The following ZNF358 variants were observed in gnomAD, a reference collection of about 807,000 sequenced individuals.
ZNF358 encodes the protein zinc finger protein 358.
Under a neutral mutation model 2.1 loss-of-function variants are expected in ZNF358, and 1 was observed. That is an observed-to-expected ratio of 0.49 (90% confidence interval 0.17 to 2.30). The LOEUF (loss-of-function observed/expected upper bound fraction) is 2.30, where lower values mean the gene tolerates loss of function less well. Among genes scored for constraint, ZNF358 ranks in the 30% most tolerant of loss-of-function variants. The probability of loss-of-function intolerance (pLI) is 0.26; values close to 1 mark genes in which losing one functional copy is unlikely to be tolerated. For missense variants in ZNF358, 665 were observed against 806.8 expected (o/e 0.82, Z 2.13); for synonymous variants, 381 against 359.7 (o/e 1.06, Z -0.67).
chr19:7,519,698 C>T lies in ZNF358; in HGVS notation c.456C>T (p.Ser152=). 1.3e-6 allele frequency: 2 copies of T among 1,586,958 alleles called. No homozygotes were observed. ...PAPASPPRPF[S]CPDCGRAFRR... ...CCGCCAGCCCGCCCCGGCCCTTCTC[C>T]TGCCCGGATTGCGGGCGAGCCTTCC... is the stretch of plus-strand genomic sequence containing the variant. The change falls in exon 2 of 2, where the codon TCC becomes TCT. Residue 152 remains serine, a synonymous_variant. Coordinates refer to ENST00000597229, the MANE Select transcript of ZNF358 (RefSeq NM_018083.5).
At chr19:7,515,766 A>G (rs765036209), upstream of ZNF358, among the ~76,000 whole-genome samples, 1 of 152,162 alleles carries the variant, frequency 6.6e-6, no homozygotes, top group African/African-American at 2.4e-5. Context: ...AGAGACACAG[A>G]GAAAGGAACA....
intron 1 of ZNF358, among the ~76,000 whole-genome samples, chr19:7,518,638 C>T (rs1374836906): frequency 6.6e-6 from 1 of 151,336 alleles, no homozygotes; most frequent in East Asian, 1.9e-4. Context: ...ATCTGTAATT[C>T]CAGCTACTTG....
rs1480980969 is a variant in ZNF358, at chr19:7,520,404, T to C, written c.1162T>C (p.Ser388Pro). The C allele has an allele frequency of 6.4e-7, 1 of 1,557,288 alleles. No homozygotes were observed. Among genetic ancestry groups the C allele is most frequent in the African/African-American group, 1.4e-5 (1 of 72,158 alleles). ...CTGCGGGAAGGCCTTCGGCCAGGCC[T>C]CCAGCCTCACCAAGCACAAACGGGT... ...QLCGKAFGQA[S>P]SLTKHKRVHE... Residue 388 changes from serine (S) to proline (P), a missense_variant, in exon 2 of 2, where the codon TCC becomes CCC. By Grantham distance (74) the Ser-to-Pro change is moderately conservative (BLOSUM62 -1). Coordinates refer to ENST00000597229, the MANE Select transcript of ZNF358 (RefSeq NM_018083.5). This position sits in a 1 kb window ranked among gnomAD's most constrained non-coding sequence, Gnocchi z 6.0.
chr19:7,520,847 C>A lies in ZNF358; in HGVS notation c.1605C>A (p.Asp535Glu), dbSNP rs2022476155. Reference protein sequence around the residue: ...SPDPNPVSCPDPCSPTRGTVS... With the variant: ...SPDPNPVSCPEPCSPTRGTVS... The stretch of plus-strand genomic sequence containing the variant: ...ATCCCAACCCTGTGTCCTGCCCTGA[C>A]CCCTGTTCTCCCACTCGTGGCACTG... The change falls in exon 2 of 2, where the codon GAC becomes GAA. Residue 535 changes from aspartate (D) to glutamate (E), a missense_variant. Physicochemically the swap from Asp to Glu is conservative, Grantham distance 45. Coordinates refer to ENST00000597229, the MANE Select transcript of ZNF358 (RefSeq NM_018083.5). This position sits in a 1 kb window ranked among gnomAD's most constrained non-coding sequence, Gnocchi z 6.0. 1 of 1,613,998 alleles carries A rather than the reference C, an allele frequency of 6.2e-7. No individual in the cohort carries two copies. The highest frequency in any genetic ancestry group is 1.7e-5 in the Admixed American group (1 of 60,002).
chr19:7,514,176 G>A (rs560637878), upstream of ZNF358, among the ~76,000 whole-genome samples: 13 of 152,336 alleles, frequency 8.5e-5, no homozygotes, highest in South Asian at 2.7e-3. Flanking sequence ...CAGAAGTAGA[G>A]TGAGAACCTC....
In ZNF358 at chr19:7,519,268, A is replaced by C; in HGVS notation, c.26A>C (p.Asn9Thr). The C allele has an allele frequency of 6.2e-7, 1 of 1,613,880 alleles. No individual in the cohort carries two copies. Among genetic ancestry groups the C allele is most frequent in the Admixed American group, 1.7e-5 (1 of 59,976 alleles). Residue 9 changes from asparagine to threonine, a missense_variant, in exon 2 of 2, where the codon AAC becomes ACC. By Grantham distance (65) the Asn-to-Thr change is moderately conservative. Transcript: ENST00000597229. ...ATGCGGCGCTCAGTCCTGGTCAGGA[A>C]CCCAGGCCACAAAGGCCTGAGACCC... MRRSVLVR[N>T]PGHKGLRPVY...
rs1488365002 is a variant in ZNF358, at chr19:7,520,521, G to A, written c.1279G>A (p.Ala427Thr). Residue 427 changes from alanine to threonine, a missense_variant, in exon 2 of 2, where the codon GCA becomes ACA. Physicochemically the swap from Ala to Thr is moderately conservative, Grantham distance 58 (BLOSUM62 0). Transcript: ENST00000597229. This position sits in a 1 kb window ranked among gnomAD's most constrained non-coding sequence, Gnocchi z 6.0. ...GLGLGPGLSPASMMRPGQVSL... is the reference protein window; with the variant it reads ...GLGLGPGLSPTSMMRPGQVSL... ...GGGCCTCGGGCCTGGCCTAAGCCCTGCATCCATGATGAGGCCGGGGCAGGT... is the reference window on the plus strand; with the variant it reads ...GGGCCTCGGGCCTGGCCTAAGCCCTACATCCATGATGAGGCCGGGGCAGGT... 7.8e-7 allele frequency: 1 copy of A among 1,276,628 alleles called. No individual in the cohort carries two copies. Among genetic ancestry groups the A allele is most frequent in the South Asian group, 1.3e-5 (1 of 78,536 alleles). 79.1% of individuals were successfully genotyped at this position (1,276,628 alleles called of 1,614,324 possible).
In ZNF358 at chr19:7,519,318, T is replaced by G. The variant is rs1184669457; in HGVS notation, c.76T>G (p.Ser26Ala). The G allele has an allele frequency of 6.2e-7, 1 of 1,613,874 alleles. No homozygotes were observed. Among genetic ancestry groups the G allele is most frequent in the Non-Finnish European group, 8.5e-7 (1 of 1,179,996 alleles). ...RPVYEELDSD[S>A]EDLDPNPEDL... ...CGTTTATGAAGAGCTCGACTCTGAC[T>G]CCGAGGACCTAGACCCCAATCCTGA... The change falls in exon 2 of 2, where the codon TCC (serine) becomes GCC (alanine). Residue 26 changes from serine to alanine, a missense_variant. By Grantham distance (99) the Ser-to-Ala change is moderately conservative (BLOSUM62 1). This residue lies in a region of ZNF358 where 206 missense variants were observed against 228.4 expected (regional missense o/e 0.90). Transcript: ENST00000597229.
chr19:7,520,445 CGCTGCTGCAGCTGCCGCGGCCGCTGCA>C lies in ZNF358; in HGVS notation c.1209_1235del (p.Ala408_Ala416del), dbSNP rs769915003. The C allele has an allele frequency of 1.6e-4, 239 of 1,461,284 alleles. 8 individuals carry two copies. The highest frequency in any genetic ancestry group is 6.8e-4 in the Middle Eastern group (3 of 4,394). 90.5% of individuals were successfully genotyped at this position (1,461,284 alleles called of 1,614,324 possible). ...ACAAACGGGTGCATGAGGGTGCAGC[CGCTGCTGCAGCTGCCGCGGCCGCTGCA>C]GCTGCAGCAGCGGCCGCCGGCCTGG... On this transcript the variant is annotated inframe_deletion, in exon 2 of 2. Transcript: ENST00000597229. The surrounding 1 kb of genome is among the most constrained non-coding windows in gnomAD (Gnocchi z 6.0).
intron 1 of ZNF358, among the ~76,000 whole-genome samples, chr19:7,518,741 AGAGT>A (rs1436198620): frequency 6.6e-6 from 1 of 152,022 alleles, no homozygotes; most frequent in African/African-American, 2.4e-5. Flanking sequence ...CCTGGGTGAC[AGAGT>A]GAGACCCCAT....
intron 1 of ZNF358, among the ~76,000 whole-genome samples, chr19:7,518,565 A>G (rs868361970): frequency 2.1e-5 from 3 of 141,262 alleles, no homozygotes; most frequent in African/African-American, 8.0e-5. Flanking sequence ...GAGAGAAAGA[A>G]AGAAAGAAAG....
Position 7,520,467 on chromosome 19 carries a change from G to T in ZNF358, c.1225G>T (p.Ala409Ser). 7.6e-7 allele frequency: 1 copy of T among 1,310,374 alleles called. No homozygotes were observed. Among genetic ancestry groups the T allele is most frequent in the Non-Finnish European group, 1.0e-6 (1 of 985,792 alleles). The allele number at this position is 1,310,374 out of a possible 1,614,324, so 81.2% of individuals were successfully genotyped here. The change falls in exon 2 of 2, where the codon GCT becomes TCT. Residue 409 changes from alanine to serine, a missense_variant. By Grantham distance (99) the Ala-to-Ser change is moderately conservative (BLOSUM62 1). Transcript: ENST00000597229. The surrounding 1 kb of genome is among the most constrained non-coding windows in gnomAD (Gnocchi z 6.0). ...GAAAAAAAAA[A>S]AAAAAAAGLG... The stretch of plus-strand genomic sequence containing the variant: ...AGCCGCTGCTGCAGCTGCCGCGGCC[G>T]CTGCAGCTGCAGCAGCGGCCGCCGG...
Position 7,519,063 on chromosome 19 carries a change from TC to T in ZNF358, c.-38-141del, listed in dbSNP as rs1409688156. 6.0e-3 allele frequency: 4,119 copies of T among 684,424 alleles called. 14 individuals are homozygous for T. Among genetic ancestry groups the T allele is most frequent in the Non-Finnish European group, 6.6e-3 (3,326 of 502,852 alleles). The allele number at this position is 684,424 out of a possible 1,614,324, so 42.4% of individuals were successfully genotyped here. On this transcript the variant is annotated intron_variant, in intron 1 of 1. Coordinates refer to ENST00000597229, the MANE Select transcript of ZNF358 (RefSeq NM_018083.5). ...CTTGGCAACAGAACGAGACCCCATC[TC>T]AAAAAAAAAAAAAAAAAAAAAAAGA...
At chr19:7,518,584 A>AAAGAAAGAAAGG (rs2022391263) in intron 1 of ZNF358, among the ~76,000 whole-genome samples, 1 of 149,472 alleles carries the variant, frequency 6.7e-6, no homozygotes, top group African/African-American at 2.5e-5. Context: ...AGAAAGAAAG[A>AAAGAAAGAAAGG]AAGAAAGAAA....
At chr19:7,519,112 G>T (rs373089444) in intron 1 of ZNF358, 93 bp from the exon 2 acceptor site, 16 of 1,370,606 alleles carry the variant, frequency 1.2e-5, no homozygotes, top group African/African-American at 2.9e-5. Flanking sequence ...GGGCACAATC[G>T]GGTCCCGTCT....
intron 1 of ZNF358, among the ~76,000 whole-genome samples, chr19:7,518,432 G>A (rs907151655): frequency 2.0e-5 from 3 of 150,758 alleles, no homozygotes; most frequent in Non-Finnish European, 2.9e-5. Context: ...GCAACATAGC[G>A]ACACCCCATC....
chr19:7,520,588 G>T lies in ZNF358; in HGVS notation c.1346G>T (p.Gly449Val), dbSNP rs1313300427. The T allele has an allele frequency of 7.3e-7, 1 of 1,369,708 alleles. No homozygotes were observed. Among genetic ancestry groups the T allele is most frequent in the South Asian group, 1.2e-5 (1 of 80,758 alleles). The allele number at this position is 1,369,708 out of a possible 1,614,324, so 84.8% of individuals were successfully genotyped here. The change falls in exon 2 of 2, where the codon GGC becomes GTC. Residue 449 changes from glycine (G) to valine (V), a missense_variant. Transcript: ENST00000597229. This position sits in a 1 kb window ranked among gnomAD's most constrained non-coding sequence, Gnocchi z 6.0. The stretch of plus-strand genomic sequence containing the variant: ...GATGCTGTTTCTGTGCTCGGCTCTG[G>T]CTTGGGCCTCAGCCCTGGCACCAGC... ...GPDAVSVLGS[G>V]LGLSPGTSSG...
chr19:7,519,471 G>T lies in ZNF358; in HGVS notation c.229G>T (p.Ala77Ser). The stretch of plus-strand genomic sequence containing the variant: ...GGAGGATCTGGACCCCGACGCCGAA[G>T]CTCCGGGCTCGGAACCCCAAGATCC... ...VSEDLDPDAE[A>S]PGSEPQDPDP... The change falls in exon 2 of 2, where the codon GCT (alanine) becomes TCT (serine). Residue 77 changes from alanine to serine, a missense_variant. Ala to Ser is a moderately conservative substitution (Grantham distance 99, BLOSUM62 1). This residue lies in a region of ZNF358 where 206 missense variants were observed against 228.4 expected (regional missense o/e 0.90). Transcript: ENST00000597229. The T allele has an allele frequency of 6.2e-7, 1 of 1,613,958 alleles. No individual in the cohort carries two copies. Among genetic ancestry groups the T allele is most frequent in the Non-Finnish European group, 8.5e-7 (1 of 1,180,028 alleles).
chr19:7,519,496 C>G lies in ZNF358; in HGVS notation c.254C>G (p.Pro85Arg), dbSNP rs1402059345. 3 of 1,613,310 alleles carry G rather than the reference C, an allele frequency of 1.9e-6. No homozygotes were observed. Among genetic ancestry groups the G allele is most frequent in the Non-Finnish European group, 2.5e-6 (3 of 1,180,024 alleles). Residue 85 changes from proline to arginine, a missense_variant, in exon 2 of 2, where the codon CCC becomes CGC. This residue lies in a region of ZNF358 where 206 missense variants were observed against 228.4 expected (regional missense o/e 0.90). Coordinates refer to ENST00000597229, the MANE Select transcript of ZNF358 (RefSeq NM_018083.5). ...AEAPGSEPQD[P>R]DPMSSSFDLD... ...GCTCCGGGCTCGGAACCCCAAGATC[C>G]CGACCCCATGTCTTCGAGTTTCGAC...
Sources: allele counts gnomAD v4.1 joint callset (sites outside exome capture counted in the v4.1 genomes callset), GRCh38; gene constraint gnomAD v4.1.1; regional missense constraint gnomAD v4.1.1; non-coding constraint Gnocchi (gnomAD v3.1); transcripts MANE v1.5; gene names NCBI Gene and HGNC (gene_info 2026-07-23, HGNC 2026-07-21).